TMEM178B: variants seen among roughly 807,000 people sequenced by gnomAD.
TMEM178B encodes transmembrane protein 178B.
TMEM178B carries 5 observed loss-of-function variants against 31.0 expected under a neutral mutation model. The observed-to-expected ratio is 0.16, with a 90% confidence interval of 0.08 to 0.34. TMEM178B has a LOEUF of 0.34. TMEM178B is among the 10% of genes least tolerant of loss of function. The pLI is 1.00. For missense variants in TMEM178B, 275 were observed against 400.3 expected (o/e 0.69, Z 2.67); for synonymous variants, 164 against 164.0 (o/e 1.00, Z 0.00).
intron 2 of TMEM178B, among the ~76,000 whole-genome samples, chr7:141,328,237 G>A (rs1799232498): frequency 6.6e-6 from 1 of 152,182 alleles, no homozygotes; most frequent in Non-Finnish European, 1.5e-5. Flanking sequence ...TGACGGAGAG[G>A]AATGCCAGCT....
chr7:141,470,505 C>T (rs777661112), intron 3 of TMEM178B, 31 bp from the exon 4 acceptor site: 1 of 1,459,956 alleles, frequency 6.8e-7, no homozygotes, highest in South Asian at 1.4e-5. Context: ...TCTCCATTTC[C>T]CCATCCTGTG....
intron 2 of TMEM178B, among the ~76,000 whole-genome samples, chr7:141,355,494 C>T (rs1307154173): frequency 5.9e-4 from 89 of 152,108 alleles, no homozygotes; most frequent in Non-Finnish European, 1.5e-5. Flanking sequence ...AATAACTATG[C>T]CAATTCTTCA....
intron 2 of TMEM178B, among the ~76,000 whole-genome samples, chr7:141,434,868 C>G (rs1212513282): frequency 1.3e-5 from 2 of 152,196 alleles, no homozygotes; most frequent in Admixed American, 6.5e-5. Flanking sequence ...ATTTGTCTTT[C>G]TGTGGCCTGG....
rs1388067012 is a variant in TMEM178B at position 141,422,517 on chromosome 7, C to T, written c.497-15091C>T. 6.6e-6 allele frequency among the ~76,000 whole-genome samples: 1 copy of T among 152,214 alleles called. No individual in the cohort carries two copies. ...GCGGTTTAGTCTTCATTGGCATCCA[C>T]TTGGTACATGGAGAAACCACTGGAT... is the stretch of plus-strand genomic sequence containing the variant. On this transcript the variant is annotated intron_variant, in intron 2 of 3. Coordinates refer to ENST00000565468, the MANE Select transcript of TMEM178B (RefSeq NM_001195278.2). The surrounding 1 kb of genome is among the most constrained non-coding windows in gnomAD (Gnocchi z 4.2).
At chr7:141,303,807 C>T (rs972479145) in intron 2 of TMEM178B, among the ~76,000 whole-genome samples, 1 of 152,190 alleles carries the variant, frequency 6.6e-6, no homozygotes, top group African/African-American at 2.4e-5. Flanking sequence ...TTGTCAGGGT[C>T]TCCTTTGATA....
At chr7:141,214,076 T>G (rs1797093133) in intron 2 of TMEM178B, among the ~76,000 whole-genome samples, 1 of 152,162 alleles carries the variant, frequency 6.6e-6, no homozygotes, top group African/African-American at 2.4e-5. Context: ...GTCATCAGGG[T>G]TATTAATTTC....
chr7:141,415,462 G>T (rs188343980), intron 2 of TMEM178B: 1 of 152,832 alleles, frequency 6.5e-6, no homozygotes. Context: ...GGCAGAAAGC[G>T]ACAGAGACAG....
intron 1 of TMEM178B, among the ~76,000 whole-genome samples, chr7:141,102,958 G>A (rs922190640): frequency 6.6e-6 from 1 of 152,126 alleles, no homozygotes; most frequent in Non-Finnish European, 1.5e-5. Context: ...GTGGAGCCAG[G>A]CCTCTGGAAC....
intron 1 of TMEM178B, among the ~76,000 whole-genome samples, chr7:141,194,391 A>G (rs938533261): frequency 6.6e-6 from 1 of 152,116 alleles, no homozygotes; most frequent in Admixed American, 6.5e-5. Flanking sequence ...AATGGGAGAA[A>G]TTGGCCAAAA....
intron 2 of TMEM178B, among the ~76,000 whole-genome samples, chr7:141,303,675 T>C (rs1278121702): frequency 1.3e-5 from 2 of 152,204 alleles, no homozygotes; most frequent in Non-Finnish European, 2.9e-5. Flanking sequence ...GGATCAATGA[T>C]TCCTACTTTA....
chr7:141,401,983 G>T (rs954331718), intron 2 of TMEM178B, among the ~76,000 whole-genome samples: 1 of 152,126 alleles, frequency 6.6e-6, no homozygotes, highest in Non-Finnish European at 1.5e-5. Context: ...AATCCTGCAC[G>T]ATTGTTTCTA....
chr7:141,140,633 T>A (rs1795754274), intron 1 of TMEM178B, among the ~76,000 whole-genome samples: 2 of 152,234 alleles, frequency 1.3e-5, no homozygotes, highest in Non-Finnish European at 2.9e-5. Flanking sequence ...CAGGACTCCA[T>A]ATTAGATTTA....
intron 2 of TMEM178B, among the ~76,000 whole-genome samples, chr7:141,287,233 GC>G (rs1199802345): frequency 6.6e-6 from 1 of 152,064 alleles, no homozygotes; most frequent in Non-Finnish European, 1.5e-5. Flanking sequence ...AACATTTAGA[GC>G]CAAATTAGTG....
At chr7:141,291,727 A>G (rs898454621) in intron 2 of TMEM178B, among the ~76,000 whole-genome samples, 4 of 152,084 alleles carry the variant, frequency 2.6e-5, no homozygotes, top group Non-Finnish European at 5.9e-5. Flanking sequence ...TGTAGAGACA[A>G]CAAACGCCTT....
intron 2 of TMEM178B, among the ~76,000 whole-genome samples, chr7:141,433,776 G>C (rs1801482508): frequency 6.6e-6 from 1 of 152,206 alleles, no homozygotes; most frequent in South Asian, 2.1e-4. Context: ...ATAAGTTGTT[G>C]TTGCAGCTTC....
chr7:141,091,075 A>G (rs908702524), intron 1 of TMEM178B, among the ~76,000 whole-genome samples: 3 of 152,190 alleles, frequency 2.0e-5, no homozygotes, highest in Non-Finnish European at 4.4e-5. Flanking sequence ...ATATCAAGGA[A>G]ATATTTCCTA....
chr7:141,133,927 G>A (rs1053506471), intron 1 of TMEM178B, among the ~76,000 whole-genome samples: 1 of 152,102 alleles, frequency 6.6e-6, no homozygotes, highest in African/African-American at 2.4e-5. Flanking sequence ...ATATATCATG[G>A]GATGATATAT....
At chr7:141,092,815 A>G (rs140498924) in intron 1 of TMEM178B, among the ~76,000 whole-genome samples, 3 of 152,334 alleles carry the variant, frequency 2.0e-5, no homozygotes, top group Admixed American at 1.3e-4. Flanking sequence ...TGGGATGGCC[A>G]GAGAAGAGTG....
At chr7:141,179,040 C>T (rs1359064753) in intron 1 of TMEM178B, among the ~76,000 whole-genome samples, 2 of 152,064 alleles carry the variant, frequency 1.3e-5, no homozygotes, top group African/African-American at 4.8e-5. Context: ...CTGTAAGTGC[C>T]CTTCAGATAA....
Sources: gnomAD v4.1 joint callset for allele counts (sites outside exome capture counted in the v4.1 genomes callset) on GRCh38, gnomAD v4.1.1 for gene constraint, Gnocchi (gnomAD v3.1) non-coding constraint, MANE v1.5 for transcripts, NCBI Gene and HGNC (gene_info 2026-07-23, HGNC 2026-07-21) for gene names.